The following MAML3 variants were observed in gnomAD, a reference collection of about 807,000 sequenced individuals.
The protein encoded by MAML3 is mastermind like transcriptional coactivator 3, also known as mastermind-like protein 3.
Under a neutral mutation model 101.9 loss-of-function variants are expected in MAML3, and 27 were observed. The ratio of observed to expected loss-of-function variants is 0.27; its 90% CI spans 0.20 to 0.37. MAML3 has a LOEUF of 0.37. Among genes scored for constraint, MAML3 ranks in the 10% least tolerant of loss-of-function variants. MAML3 has a pLI of 1.00. For missense variants in MAML3, 1,316 were observed against 1,444.9 expected (o/e 0.91, Z 1.45); for synonymous variants, 501 against 555.9 (o/e 0.90, Z 1.39).
At chr4:139,753,248 T>C (rs903437946) in intron 2 of MAML3, among the ~76,000 whole-genome samples, 5 of 152,238 alleles carry the variant, frequency 3.3e-5, no homozygotes, top group African/African-American at 1.2e-4. Context: ...GTGTGATCGA[T>C]ACCATGATCT....
chr4:140,140,242 T>G (rs1447149898), intron 1 of MAML3, among the ~76,000 whole-genome samples: 2 of 152,028 alleles, frequency 1.3e-5, no homozygotes, highest in Admixed American at 1.3e-4. Context: ...GAGAATTGCC[T>G]GAACCCAGGA....
chr4:139,806,979 A>G (rs1433149356), intron 2 of MAML3, among the ~76,000 whole-genome samples: 2 of 152,250 alleles, frequency 1.3e-5, no homozygotes, highest in Admixed American at 1.3e-4. Context: ...TCAGGTGCAT[A>G]GTTCTTTAAA....
chr4:139,875,874 GTT>G (rs1732105368), intron 2 of MAML3, among the ~76,000 whole-genome samples: 1 of 120,910 alleles, frequency 8.3e-6, no homozygotes. Flanking sequence ...GGATTACATA[GTT>G]TTTAAAAGGC....
chr4:139,728,995 G>A (rs570720398), intron 3 of MAML3, among the ~76,000 whole-genome samples: 17 of 152,128 alleles, frequency 1.1e-4, no homozygotes, highest in East Asian at 9.7e-4. Flanking sequence ...AGCTGCCCTC[G>A]GCAGCTCCAT....
At chr4:140,124,967 G>A (rs1313393456) in intron 1 of MAML3, among the ~76,000 whole-genome samples, 1 of 152,158 alleles carries the variant, frequency 6.6e-6, no homozygotes, top group Non-Finnish European at 1.5e-5. Flanking sequence ...CAGCGCAGAA[G>A]CAACAAATTC....
chr4:139,788,234 T>G (rs1159669017), intron 2 of MAML3, among the ~76,000 whole-genome samples: 5 of 152,236 alleles, frequency 3.3e-5, no homozygotes, highest in Admixed American at 3.3e-4. Context: ...TACAGGCACC[T>G]TCTATCCTGG....
At chr4:140,126,993 C>T (rs1208352017) in intron 1 of MAML3, among the ~76,000 whole-genome samples, 3 of 152,130 alleles carry the variant, frequency 2.0e-5, no homozygotes, top group African/African-American at 4.8e-5. Context: ...ACATCTTCAC[C>T]GACCTCCCTC....
rs150832041 is a variant in MAML3 at position 140,023,249 on chromosome 4, T to C, written c.468+129611A>G. The stretch of plus-strand genomic sequence containing the variant: ...ATTTAGAGAAGTTGCCCAGCTTCCC[T>C]GGACTTCAATTTCCTGAGAGATGGA... On this transcript the variant is annotated intron_variant, in intron 1 of 4. Transcript: ENST00000509479. Among the ~76,000 whole-genome samples, 11 of 152,360 alleles carry C rather than the reference T, an allele frequency of 7.2e-5. No homozygotes were observed. In the East Asian group the frequency reaches 1.7e-3, roughly 24 times the overall value.
Position 140,154,124 on chromosome 4 carries a change from G to GCCGCCA in MAML3, c.-798_-797insTGGCGG. 5.5e-6 allele frequency: 1 copy of GCCGCCA among 182,104 alleles called. No homozygotes were observed. The highest frequency in any genetic ancestry group is 1.1e-5 in the Non-Finnish European group (1 of 87,008). The allele number at this position is 182,104 out of a possible 1,614,324, so 11.3% of individuals were successfully genotyped here. A position where few individuals can be genotyped will look rare whatever the true frequency, so the allele number is the denominator to read the frequency against. ...TCAACTGCTCGCCGCCGCCGCCGCC[G>GCCGCCA]CCGCCTCCTCCTCCTCCTCTCGCTC... On this transcript the variant is annotated 5_prime_UTR_variant, in exon 1 of 5. Coordinates refer to ENST00000509479, the MANE Select transcript of MAML3 (RefSeq NM_018717.5).
intron 2 of MAML3, among the ~76,000 whole-genome samples, chr4:139,796,783 T>C (rs923732645): frequency 6.6e-6 from 1 of 152,124 alleles, no homozygotes; most frequent in African/African-American, 2.4e-5. Context: ...TTTAAAATGA[T>C]CGCAAATCAA....
At chr4:140,064,960 A>G (rs577938351) in intron 1 of MAML3, among the ~76,000 whole-genome samples, 1 of 152,352 alleles carries the variant, frequency 6.6e-6, no homozygotes, top group South Asian at 2.1e-4. Flanking sequence ...TCTGCTGAAA[A>G]TGAAGATTCT....
At chr4:139,961,133 G>A (rs1207885960) in intron 1 of MAML3, among the ~76,000 whole-genome samples, 6 of 152,128 alleles carry the variant, frequency 3.9e-5, no homozygotes, top group Non-Finnish European at 8.8e-5. Flanking sequence ...CTGAAGAGGT[G>A]GCCTCTCTGG....
At position 139,760,195 on chromosome 4, in the gene MAML3, G is replaced by A. The variant is rs2111052343; in HGVS notation, c.2080-29528C>T. 1.3e-5 allele frequency among the ~76,000 whole-genome samples: 2 copies of A among 152,360 alleles called. 1 individual carries two copies. Among genetic ancestry groups the A allele is most frequent in the South Asian group, 4.1e-4 (2 of 4,820 alleles). ...ATAAGGCACTGTCACTGATGTAGAT[G>A]AAGGCAGCAGATACAATGATACAAA... On this transcript the variant is annotated intron_variant, in intron 2 of 4. Transcript: ENST00000509479.
intron 1 of MAML3, among the ~76,000 whole-genome samples, chr4:140,141,437 C>T (rs1034093262): frequency 7.6e-4 from 115 of 152,262 alleles, no homozygotes; most frequent in African/African-American, 2.7e-3. Context: ...ACTCACAGAC[C>T]TGAGATTTTT....
intron 1 of MAML3, among the ~76,000 whole-genome samples, chr4:139,955,683 G>A (rs1345824206): frequency 6.6e-6 from 1 of 152,188 alleles, no homozygotes; most frequent in Non-Finnish European, 1.5e-5. Context: ...CCTGTGATGG[G>A]GATTTCTGGA....
At chr4:139,879,012 A>T (rs1340131511) in intron 2 of MAML3, among the ~76,000 whole-genome samples, 1 of 152,164 alleles carries the variant, frequency 6.6e-6, no homozygotes, top group African/African-American at 2.4e-5. Flanking sequence ...ACTCTTCACC[A>T]CATTGGGACT....
intron 2 of MAML3, among the ~76,000 whole-genome samples, chr4:139,799,694 C>A (rs1323582838): frequency 6.6e-6 from 1 of 152,144 alleles, no homozygotes; most frequent in Non-Finnish European, 1.5e-5. Context: ...TCTTATCTTT[C>A]CCCCAAGGTC....
At chr4:140,119,613 T>TCCTTCCTC (rs1223349594) in intron 1 of MAML3, among the ~76,000 whole-genome samples, 3 of 134,162 alleles carry the variant, frequency 2.2e-5, no homozygotes, top group African/African-American at 8.2e-5. Context: ...CTCCCTCCCT[T>TCCTTCCTC]CCTTCCTCCC....
chr4:140,111,902 C>T (rs1349206298), intron 1 of MAML3, among the ~76,000 whole-genome samples: 1 of 152,182 alleles, frequency 6.6e-6, no homozygotes, highest in Non-Finnish European at 1.5e-5. Context: ...TCACCCTTGC[C>T]CTCCTCAGTA....
Sources: allele counts gnomAD v4.1 joint callset (sites outside exome capture counted in the v4.1 genomes callset), GRCh38; gene constraint gnomAD v4.1.1; transcripts MANE v1.5; gene names NCBI Gene and HGNC (gene_info 2026-07-23, HGNC 2026-07-21).